The following UXS1 variants were observed in gnomAD, a reference collection of about 807,000 sequenced individuals.
The protein encoded by UXS1 is UDP-glucuronic acid decarboxylase 1.
In UXS1, 33 loss-of-function variants were observed where a neutral mutation model predicts 62.6. That is an observed-to-expected ratio of 0.53 (90% CI 0.40 to 0.70). The LOEUF is 0.70. UXS1 is among the 30% of genes least tolerant of loss of function. The probability of loss-of-function intolerance (pLI) is 0.00; values close to 1 mark genes in which losing one functional copy is unlikely to be tolerated. For synonymous variants in UXS1, 213 were observed against 206.8 expected, an observed-to-expected ratio of 1.03 and a Z score of -0.26; for missense variants, 434 against 556.3, an observed-to-expected ratio of 0.78 and a Z score of 2.21.
intron 13 of UXS1, among the ~76,000 whole-genome samples, chr2:106,098,299 C>T (rs537450171): frequency 1.7e-4 from 26 of 152,326 alleles, no homozygotes; most frequent in South Asian, 1.7e-3. Context: ...CAGTGGGTGG[C>T]AGCCAGGATA....
chr2:106,109,919 G>C (rs533482163), intron 10 of UXS1, among the ~76,000 whole-genome samples: 12 of 152,290 alleles, frequency 7.9e-5, no homozygotes, highest in African/African-American at 2.6e-4. Flanking sequence ...TGTCGGAAAT[G>C]TAGCAGAAAA....
chr2:106,099,428 C>T (rs2104833858), intron 12 of UXS1, among the ~76,000 whole-genome samples: 1 of 152,326 alleles, frequency 6.6e-6, no homozygotes, highest in Admixed American at 6.5e-5. Flanking sequence ...TAATTCTATA[C>T]CCTAAAGCCT....
At chr2:106,096,868 G>A (rs1402177492) in intron 13 of UXS1, 47 bp from the exon 14 acceptor site, 3 of 1,529,034 alleles carry the variant, frequency 2.0e-6, no homozygotes, top group African/African-American at 1.4e-5. Flanking sequence ...CACAAAGCAT[G>A]GGTAAGCACA....
At chr2:106,099,636 A>T (rs1257835078) in intron 12 of UXS1, among the ~76,000 whole-genome samples, 2 of 152,314 alleles carry the variant, frequency 1.3e-5, no homozygotes, top group East Asian at 1.9e-4. Context: ...CCCTCCCCAA[A>T]GAGGGAAGGA....
intron 2 of UXS1, 39 bp downstream of exon 2, chr2:106,166,017 A>T: frequency 6.3e-7 from 1 of 1,598,026 alleles, no homozygotes; most frequent in South Asian, 1.1e-5. Context: ...TGTGTCTATA[A>T]AATCCAACCA....
chr2:106,152,591 A>G (rs905000232), intron 5 of UXS1, among the ~76,000 whole-genome samples: 3 of 150,898 alleles, frequency 2.0e-5, no homozygotes, highest in African/African-American at 7.4e-5. Flanking sequence ...GAAAGAAAGA[A>G]AAGAAAAGAA....
At chr2:106,098,051 C>T (rs1677271021) in intron 13 of UXS1, among the ~76,000 whole-genome samples, 1 of 152,264 alleles carries the variant, frequency 6.6e-6, no homozygotes, top group Non-Finnish European at 1.5e-5. Flanking sequence ...CTGTGGCATA[C>T]TCCTCCTTGG....
intron 4 of UXS1, among the ~76,000 whole-genome samples, chr2:106,162,191 C>A (rs935596810): frequency 7.9e-5 from 12 of 152,130 alleles, no homozygotes; most frequent in African/African-American, 2.4e-4. Context: ...GCAAGCAGCC[C>A]GAGAGGCAAA....
chr2:106,139,474 T>C (rs1680925279), intron 6 of UXS1, among the ~76,000 whole-genome samples: 1 of 152,096 alleles, frequency 6.6e-6, no homozygotes, highest in African/African-American at 2.4e-5. Flanking sequence ...ATGAACTCCC[T>C]AAAGGGTCTT....
intron 5 of UXS1, among the ~76,000 whole-genome samples, chr2:106,157,472 A>G (rs956375141): frequency 6.6e-6 from 1 of 152,196 alleles, no homozygotes; most frequent in Non-Finnish European, 1.5e-5. Flanking sequence ...ACTTCCTCAA[A>G]AAGTTAAACA....
At chr2:106,142,463 A>C (rs1681188895) in intron 6 of UXS1, among the ~76,000 whole-genome samples, 1 of 152,172 alleles carries the variant, frequency 6.6e-6, no homozygotes, top group South Asian at 2.1e-4. Context: ...ATATTTTTGT[A>C]ATTTTCCAGA....
intron 5 of UXS1, among the ~76,000 whole-genome samples, chr2:106,157,136 T>C (rs1342324107): frequency 6.6e-6 from 1 of 152,174 alleles, no homozygotes; most frequent in Non-Finnish European, 1.5e-5. Flanking sequence ...CTAATGGGTA[T>C]AGGCTTTCCT....
chr2:106,097,231 C>G (rs1261386366), intron 13 of UXS1: 1 of 457,944 alleles, frequency 2.2e-6, no homozygotes, highest in South Asian at 1.5e-5. Context: ...GTGGATGCCC[C>G]AAGTGGGCCA....
At chr2:106,186,291 G>A (rs11694995) in intron 1 of UXS1, among the ~76,000 whole-genome samples, 1 of 152,154 alleles carries the variant, frequency 6.6e-6, no homozygotes, top group Non-Finnish European at 1.5e-5. Context: ...ACACTGAACA[G>A]TGTCAAGTGG....
At chr2:106,168,110 G>A (rs1683324641) in intron 1 of UXS1, among the ~76,000 whole-genome samples, 2 of 152,208 alleles carry the variant, frequency 1.3e-5, no homozygotes, top group Non-Finnish European at 2.9e-5. Context: ...ACAGTGGGCT[G>A]AGACCACACC....
chr2:106,098,589 G>T, intron 13 of UXS1, 127 bp downstream of exon 13: 2 of 746,122 alleles, frequency 2.7e-6, no homozygotes, highest in South Asian at 1.9e-5. Context: ...AAGTATTCCT[G>T]ATAAAAAGTT....
At chr2:106,193,841 A>G (rs1452478070) in intron 1 of UXS1, among the ~76,000 whole-genome samples, 1 of 151,762 alleles carries the variant, frequency 6.6e-6, no homozygotes, top group East Asian at 2.0e-4. Context: ...GACATGGACG[A>G]CAGCGCCGCC....
chr2:106,095,050 A>T (rs1676965036), intron 14 of UXS1, among the ~76,000 whole-genome samples: 1 of 152,238 alleles, frequency 6.6e-6, no homozygotes, highest in East Asian at 1.9e-4. Context: ...TATAAATTAA[A>T]ACTACTACTA....
At chr2:106,126,357 CT>C (rs1558701820) in intron 7 of UXS1, among the ~76,000 whole-genome samples, 1 of 151,344 alleles carries the variant, frequency 6.6e-6, no homozygotes, top group African/African-American at 2.4e-5. Flanking sequence ...AAGAACCCCC[CT>C]GACCGTCACT....
Sources: allele counts gnomAD v4.1 joint callset (sites outside exome capture counted in the v4.1 genomes callset), GRCh38; gene constraint gnomAD v4.1.1; transcripts MANE v1.5; gene names NCBI Gene and HGNC (gene_info 2026-07-23, HGNC 2026-07-21).